Variants in SLC25A48 observed in about 807,000 individuals in gnomAD.
SLC25A48 encodes CTC-321K16.1.
Under a neutral mutation model 32.2 loss-of-function variants are expected in SLC25A48, and 29 were observed. That is an observed-to-expected ratio of 0.90 (90% confidence interval 0.67 to 1.23). SLC25A48 has a LOEUF of 1.23. SLC25A48 is among the 50% of genes most tolerant of loss of function. The pLI is 0.00. For synonymous variants in SLC25A48, 164 were observed against 172.3 expected (o/e 0.95, Z 0.38); for missense variants, 399 against 422.7 (o/e 0.94, Z 0.49).
At chr5:135,728,664 A>G (rs974310619) in intron 3 of SLC25A48, among the ~76,000 whole-genome samples, 1 of 152,196 alleles carries the variant, frequency 6.6e-6, no homozygotes, top group Non-Finnish European at 1.5e-5. Context: ...GGAAAAACTT[A>G]TTTGAGTGAA....
At chr5:135,805,160 ACC>A (rs1474273200) in intron 3 of SLC25A48, among the ~76,000 whole-genome samples, 71 of 150,628 alleles carry the variant, frequency 4.7e-4, no homozygotes, top group African/African-American at 1.7e-3. Context: ...CTGTGTGTGC[ACC>A]CTGGGATATT....
intron 4 of SLC25A48, among the ~76,000 whole-genome samples, chr5:135,817,921 T>C (rs1450361031): frequency 6.6e-6 from 1 of 152,088 alleles, no homozygotes; most frequent in African/African-American, 2.4e-5. Flanking sequence ...AAAAACTCTA[T>C]ACAAAACGCA....
chr5:135,626,022 G>C (rs999620376), intron 1 of SLC25A48, among the ~76,000 whole-genome samples: 4 of 152,220 alleles, frequency 2.6e-5, no homozygotes, highest in Admixed American at 6.5e-5. Flanking sequence ...CTCTCCAAAA[G>C]TCAACAGCAG....
At chr5:135,728,527 T>C (rs900295395) in intron 3 of SLC25A48, among the ~76,000 whole-genome samples, 2 of 152,208 alleles carry the variant, frequency 1.3e-5, no homozygotes, top group Non-Finnish European at 2.9e-5. Context: ...AATCCCTCAC[T>C]GTTGCATACT....
intron 3 of SLC25A48, among the ~76,000 whole-genome samples, chr5:135,722,929 C>T (rs895397411): frequency 4.6e-5 from 7 of 152,348 alleles, no homozygotes; most frequent in Non-Finnish European, 8.8e-5. Context: ...GGGAATGAAG[C>T]GCTCCATGCT....
intron 3 of SLC25A48, among the ~76,000 whole-genome samples, chr5:135,655,287 C>T (rs769532152): frequency 2.1e-4 from 32 of 152,168 alleles, no homozygotes; most frequent in Non-Finnish European, 3.7e-4. Flanking sequence ...TAAGTGCTTC[C>T]TGTGTATTAA....
intron 3 of SLC25A48, among the ~76,000 whole-genome samples, chr5:135,734,411 A>C (rs1454832160): frequency 6.6e-6 from 1 of 152,182 alleles, no homozygotes; most frequent in Admixed American, 6.5e-5. Flanking sequence ...AGTTGGCACC[A>C]GAGTGGGGGA....
intron 1 of SLC25A48, among the ~76,000 whole-genome samples, chr5:135,617,708 G>T (rs1438219477): frequency 6.6e-6 from 1 of 151,128 alleles, no homozygotes; most frequent in Admixed American, 6.6e-5. Context: ...TTTCTTCCTT[G>T]ACCCAGTGGT....
intron 3 of SLC25A48, among the ~76,000 whole-genome samples, chr5:135,662,698 C>CT: frequency 1.4e-5 from 1 of 69,360 alleles, no homozygotes. Flanking sequence ...TGACCTGCCT[C>CT]TCCCCCTCAG....
Position 135,871,120 on chromosome 5 carries a change from G to T in SLC25A48, c.422-341G>T, listed in dbSNP as rs77001659. ...ACACACACACACACACAGCATGTTG[G>T]ATTTTCTAGCTTCAAAGAAGAGCTT... On this transcript the variant is annotated intron_variant, in intron 4 of 7. Transcript: ENST00000681962. Among the ~76,000 whole-genome samples, 814 of 148,308 alleles carry T rather than the reference G, an allele frequency of 5.5e-3. 7 individuals carry two copies. Among genetic ancestry groups the T allele is most frequent in the African/African-American group, 0.02 (791 of 40,150 alleles).
In SLC25A48 at chr5:135,782,230, G is replaced by A. The variant is rs567577017; in HGVS notation, c.-520-30293G>A. 2.6e-5 allele frequency among the ~76,000 whole-genome samples: 3 copies of A among 115,814 alleles called. 1 individual carries two copies. In the East Asian group the frequency reaches 6.5e-4, roughly 25 times the overall value. The allele number at this position is 115,814 out of a possible 152,430, so 76.0% of individuals were successfully genotyped here. ...TGTGATATTGTTCCTAATATCCAGGGAGGGAGAGGATGACATTACTCCCAA... is the reference window on the plus strand; with the variant it reads ...TGTGATATTGTTCCTAATATCCAGGAAGGGAGAGGATGACATTACTCCCAA... On this transcript the variant is annotated intron_variant, in intron 3 of 10. Coordinates refer to the SLC25A48 transcript ENST00000646290.
chr5:135,868,414 G>C (rs1468090122), intron 4 of SLC25A48, among the ~76,000 whole-genome samples: 1 of 152,118 alleles, frequency 6.6e-6, no homozygotes, highest in Non-Finnish European at 1.5e-5. Flanking sequence ...TCCTGGAGGG[G>C]AAAATGCTAT....
intron 3 of SLC25A48, among the ~76,000 whole-genome samples, chr5:135,659,298 C>G (rs894101109): frequency 3.9e-5 from 6 of 152,308 alleles, no homozygotes; most frequent in Non-Finnish European, 4.4e-5. Context: ...TCACAGATCT[C>G]TAAAGCAGGG....
chr5:135,723,152 C>G (rs556761478), intron 3 of SLC25A48, among the ~76,000 whole-genome samples: 1 of 152,188 alleles, frequency 6.6e-6, no homozygotes, highest in African/African-American at 2.4e-5. Flanking sequence ...AAGCTCAATT[C>G]CAAAGTCTGG....
intron 2 of SLC25A48, among the ~76,000 whole-genome samples, chr5:135,845,381 C>A (rs1201326956): frequency 1.3e-5 from 2 of 152,268 alleles, no homozygotes; most frequent in African/African-American, 4.8e-5. Flanking sequence ...TTTCTCCCTT[C>A]TCTGCACTCT....
chr5:135,867,511 G>A (rs1761296714), intron 4 of SLC25A48, among the ~76,000 whole-genome samples: 1 of 151,960 alleles, frequency 6.6e-6, no homozygotes, highest in Admixed American at 6.6e-5. Context: ...GCAACCCCCC[G>A]GCTCTGCCAC....
At position 135,635,807 on chromosome 5, in the gene SLC25A48, A is replaced by G. The variant is rs117160941; in HGVS notation, c.-521+851A>G. Among the ~76,000 whole-genome samples the G allele has an allele frequency of 1.6e-4, 25 of 152,336 alleles. No individual in the cohort carries two copies. The East Asian group carries it at 4.4e-3, about 27-fold the overall frequency. On this transcript the variant is annotated intron_variant, in intron 3 of 10. Coordinates refer to the SLC25A48 transcript ENST00000646290. ...GCCAGATCCTGCATACCACTGCTTT[A>G]ATGGGATACCGCTAAGTGACAGGAA...
intron 1 of SLC25A48, among the ~76,000 whole-genome samples, chr5:135,840,965 CTA>C (rs145006927): frequency 0.025 from 3,735 of 152,252 alleles, 143 homozygotes; most frequent in African/African-American, 0.084. Context: ...GGTTGTAACT[CTA>C]TGTTTAGCTT....
chr5:135,756,100 C>T, intron 3 of SLC25A48, among the ~76,000 whole-genome samples: 1 of 151,690 alleles, frequency 6.6e-6, no homozygotes. Context: ...CTAATGTCAA[C>T]ACACTATGGT....
Sources: allele counts gnomAD v4.1 joint callset (sites outside exome capture counted in the v4.1 genomes callset), GRCh38; gene constraint gnomAD v4.1.1; transcripts MANE v1.5; gene names NCBI Gene and HGNC (gene_info 2026-07-23, HGNC 2026-07-21).